Variants in RCL1 observed in about 807,000 individuals in gnomAD.
RCL1 encodes the protein RNA terminal phosphate cyclase like 1.
In RCL1, 24 loss-of-function variants were observed where a neutral mutation model predicts 42.4. That is an observed-to-expected ratio of 0.57 (90% CI 0.41 to 0.80). RCL1 has a LOEUF of 0.80. Ranked by LOEUF, RCL1 falls within the 30% of genes least tolerant of loss-of-function variation. RCL1 has a pLI of 0.00. For missense variants in RCL1, 578 were observed against 467.9 expected (o/e 1.24, Z -2.17); for synonymous variants, 228 against 177.3 (o/e 1.29, Z -2.27).
At chr9:4,798,316 A>ATTCC (rs1842945694) in intron 1 of RCL1, among the ~76,000 whole-genome samples, 1 of 152,200 alleles carries the variant, frequency 6.6e-6, no homozygotes, top group Non-Finnish European at 1.5e-5. Context: ...CCACCAGAAT[A>ATTCC]ATTGTTTAAA....
intron 1 of RCL1, among the ~76,000 whole-genome samples, chr9:4,795,666 A>T (rs1238545528): frequency 6.6e-6 from 1 of 152,168 alleles, no homozygotes; most frequent in South Asian, 2.1e-4. Flanking sequence ...CATATCCAAT[A>T]AAATCTTCAG....
chr9:4,805,521 A>G (rs140361602), intron 1 of RCL1, among the ~76,000 whole-genome samples: 1 of 152,346 alleles, frequency 6.6e-6, no homozygotes, highest in Non-Finnish European at 1.5e-5. Context: ...AGTTTTATAT[A>G]CAAAAGTTTT....
At chr9:4,801,918 T>G in intron 1 of RCL1, among the ~76,000 whole-genome samples, 1 of 151,670 alleles carries the variant, frequency 6.6e-6, no homozygotes, top group Non-Finnish European at 1.5e-5. Flanking sequence ...CAGTCTTTTT[T>G]TCTTTTTTTT....
At chr9:4,818,691 T>C (rs954404884) in intron 1 of RCL1, among the ~76,000 whole-genome samples, 1 of 152,002 alleles carries the variant, frequency 6.6e-6, no homozygotes, top group Non-Finnish European at 1.5e-5. Flanking sequence ...GACCATCCTG[T>C]CCGGCATGGT....
Position 4,793,002 on chromosome 9 carries a change from G to T in RCL1, c.-90G>T, listed in dbSNP as rs1842853220. 1 of 1,449,108 alleles carries T rather than the reference G, an allele frequency of 6.9e-7. No homozygotes were observed. The highest frequency in any genetic ancestry group is 2.6e-5 in the East Asian group (1 of 38,208). 89.8% of individuals were successfully genotyped at this position (1,449,108 alleles called of 1,614,324 possible). A position where few individuals can be genotyped will look rare whatever the true frequency, so the allele number is the denominator to read the frequency against. ...AGCCCGAGCCGCCGCCGTCGGTGTC[G>T]CCGCCACCACCACCATCGGAGTCAC... is the stretch of plus-strand genomic sequence containing the variant. On this transcript the variant is annotated 5_prime_UTR_variant, in exon 1 of 9. Coordinates refer to ENST00000381750, the MANE Select transcript of RCL1 (RefSeq NM_005772.5).
intron 2 of RCL1, 66 bp from the exon 3 acceptor site, chr9:4,826,792 T>A: frequency 2.8e-6 from 4 of 1,408,296 alleles, no homozygotes; most frequent in Non-Finnish European, 3.9e-6. Flanking sequence ...ACTCACTGCC[T>A]TCATTACCTT....
intron 1 of RCL1, among the ~76,000 whole-genome samples, chr9:4,805,560 C>G (rs1815907591): frequency 6.6e-6 from 1 of 152,172 alleles, no homozygotes; most frequent in Non-Finnish European, 1.5e-5. Flanking sequence ...TAGAAATAGA[C>G]AATCAGCAGG....
rs146316760 is a variant in RCL1 at position 4,815,094 on chromosome 9, G to T, written c.137-8454G>T. On this transcript the variant is annotated intron_variant, in intron 1 of 8. Coordinates refer to ENST00000381750, the MANE Select transcript of RCL1 (RefSeq NM_005772.5). ...TTTAACTATTAATATGCCTTGGGAAGACCCTTTTGGGTTGAATCTATTTTG... is the reference window on the plus strand; with the variant it reads ...TTTAACTATTAATATGCCTTGGGAATACCCTTTTGGGTTGAATCTATTTTG... 4.6e-3 allele frequency among the ~76,000 whole-genome samples: 696 copies of T among 152,184 alleles called. 2 individuals carry two copies. The highest frequency in any genetic ancestry group is 7.6e-3 in the Non-Finnish European group (520 of 67,994).
chr9:4,826,822 T>C (rs1226008218), intron 2 of RCL1, 36 bp from the exon 3 acceptor site: 38 of 1,563,380 alleles, frequency 2.4e-5, no homozygotes, highest in Non-Finnish European at 3.3e-5. Context: ...TTAGTTTTTT[T>C]CCTGCTGAAT....
chr9:4,814,806 G>T (rs1489364219), intron 1 of RCL1, among the ~76,000 whole-genome samples: 2 of 151,948 alleles, frequency 1.3e-5, no homozygotes, highest in Non-Finnish European at 2.9e-5. Context: ...TGTAAGGCCT[G>T]GCTAATAGTA....
At chr9:4,797,574 C>G (rs1384720248) in intron 1 of RCL1, among the ~76,000 whole-genome samples, 1 of 152,102 alleles carries the variant, frequency 6.6e-6, no homozygotes, top group East Asian at 1.9e-4. Context: ...GGTTAGAATC[C>G]AAGGGTGCTG....
intron 4 of RCL1, 109 bp from the exon 5 acceptor site, chr9:4,834,030 AGC>A (rs1817037274): frequency 4.2e-6 from 5 of 1,187,066 alleles, no homozygotes; most frequent in Non-Finnish European, 5.8e-6. Flanking sequence ...AATATGGAAG[AGC>A]TATGCCTTGT....
At chr9:4,846,786 T>C (rs571264626) in intron 7 of RCL1, among the ~76,000 whole-genome samples, 1 of 152,224 alleles carries the variant, frequency 6.6e-6, no homozygotes, top group Non-Finnish European at 1.5e-5. Flanking sequence ...AGCTAGAGTG[T>C]GGGGTTTATA....
At chr9:4,835,870 G>A (rs1038394204) in intron 5 of RCL1, among the ~76,000 whole-genome samples, 3 of 152,214 alleles carry the variant, frequency 2.0e-5, no homozygotes, top group African/African-American at 7.2e-5. Flanking sequence ...GTAGCATTGG[G>A]TAAATGGTTA....
At position 4,851,885 on chromosome 9, in the gene RCL1, C is replaced by CTTTTTTTTT. The variant is rs1214271046; in HGVS notation, c.971+2340_971+2348dup. Among the ~76,000 whole-genome samples the CTTTTTTTTT allele has an allele frequency of 7.0e-3, 873 of 124,408 alleles. 53 individuals are homozygous for CTTTTTTTTT. The highest frequency in any genetic ancestry group is 0.027 in the Admixed American group (309 of 11,552). The allele number at this position is 124,408 out of a possible 152,430, so 81.6% of individuals were successfully genotyped here. A position where few individuals can be genotyped will look rare whatever the true frequency, so the allele number is the denominator to read the frequency against. On this transcript the variant is annotated intron_variant, in intron 8 of 8. Transcript: ENST00000381750. ...AAAGTAAGTCTGTATGTGTGAAACTCTTTTTTTTTTTTTGAGACAGAGTTT... is the reference window on the plus strand; with the variant it reads ...AAAGTAAGTCTGTATGTGTGAAACTCTTTTTTTTTTTTTTTTTTTTTTGAGACAGAGTTT...
intron 6 of RCL1, among the ~76,000 whole-genome samples, 197 bp downstream of exon 6, chr9:4,841,554 A>G (rs12349426): frequency 0.023 from 3,481 of 152,332 alleles, 114 homozygotes; most frequent in African/African-American, 0.076. Context: ...CCCAGTGGCT[A>G]GAGCTGGAAG....
intron 1 of RCL1, among the ~76,000 whole-genome samples, chr9:4,815,918 A>G (rs943959180): frequency 1.3e-5 from 2 of 151,914 alleles, no homozygotes; most frequent in South Asian, 4.2e-4. Flanking sequence ...TTTGGTTCCC[A>G]GCTGATCCTG....
intron 8 of RCL1, among the ~76,000 whole-genome samples, chr9:4,850,755 T>A (rs1392632532): frequency 2.6e-5 from 4 of 152,142 alleles, no homozygotes. Flanking sequence ...AGATGAGGGC[T>A]GGAAGAATGG....
Position 4,841,368 on chromosome 9 carries a change from G to T in RCL1, c.710+11G>T, listed in dbSNP as rs143788595. ...AGTCAACTCTGGGAAGTAAGTATCTGTGTTTTTGAAGTCTGTTTCTGCAGC... is the reference window on the plus strand; with the variant it reads ...AGTCAACTCTGGGAAGTAAGTATCTTTGTTTTTGAAGTCTGTTTCTGCAGC... On this transcript the variant is annotated intron_variant, in intron 6 of 8. Coordinates refer to ENST00000381750, the MANE Select transcript of RCL1 (RefSeq NM_005772.5). The T allele has an allele frequency of 1.5e-3, 2,435 of 1,605,834 alleles. 26 individuals are homozygous for T. In the East Asian group the frequency reaches 0.029, roughly 19 times the overall value.
Sources: gnomAD v4.1 joint callset for allele counts (sites outside exome capture counted in the v4.1 genomes callset) on GRCh38, gnomAD v4.1.1 for gene constraint, MANE v1.5 for transcripts, NCBI Gene and HGNC (gene_info 2026-07-23, HGNC 2026-07-21) for gene names.